The following KIAA1755 variants were observed in gnomAD, a reference collection of about 807,000 sequenced individuals.
KIAA1755 encodes uncharacterized protein KIAA1755.
In KIAA1755, 68 loss-of-function variants were observed where a neutral mutation model predicts 91.7. The observed-to-expected ratio is 0.74, with a 90% CI of 0.61 to 0.91. The LOEUF (loss-of-function observed/expected upper bound fraction) is 0.91, where lower values mean the gene tolerates loss of function less well. Ranked by LOEUF, KIAA1755 falls within the 40% of genes least tolerant of loss-of-function variation. The pLI is 0.00. For synonymous variants in KIAA1755, 610 were observed against 604.6 expected (o/e 1.01, Z -0.13); for missense variants, 1,535 against 1,494.4 (o/e 1.03, Z -0.45).
intron 10 of KIAA1755, among the ~76,000 whole-genome samples, chr20:38,222,204 C>T (rs2075671049): frequency 6.6e-6 from 1 of 152,246 alleles, no homozygotes; most frequent in Admixed American, 6.5e-5. Flanking sequence ...TCCTCTGATG[C>T]CCATCCCAGG....
rs2075464439 is a variant in KIAA1755 at position 38,212,443 on chromosome 20, T to C, written c.*599A>G. On this transcript the variant is annotated 3_prime_UTR_variant, in exon 14 of 14. Coordinates refer to ENST00000279024, the MANE Select transcript of KIAA1755 (RefSeq NM_001029864.2). ...CCCCATCTCTAAACATAAAATACAA[T>C]GAAGTTTTAAAAATTAAAAAAAAGA... The C allele has an allele frequency of 6.6e-6, 1 of 152,144 alleles. No individual in the cohort carries two copies. The highest frequency in any genetic ancestry group is 2.4e-5 in the African/African-American group (1 of 41,412). 9.4% of individuals were successfully genotyped at this position (152,144 alleles called of 1,614,324 possible).
intron 9 of KIAA1755, chr20:38,223,037 A>T: frequency 3.9e-6 from 1 of 256,098 alleles, no homozygotes; most frequent in Non-Finnish European, 7.7e-6. Context: ...CTTCTTTCCC[A>T]CTCATTCTGC....
At chr20:38,245,053 A>G (rs1370933454) in intron 2 of KIAA1755, among the ~76,000 whole-genome samples, 1 of 151,756 alleles carries the variant, frequency 6.6e-6, no homozygotes, top group East Asian at 1.9e-4. Flanking sequence ...AAACAGCTCC[A>G]CCCTCTGACC....
intron 1 of KIAA1755, among the ~76,000 whole-genome samples, chr20:38,251,141 C>T (rs1410335650): frequency 5.9e-5 from 9 of 152,110 alleles, no homozygotes; most frequent in African/African-American, 2.2e-4. Context: ...TAAAAATAAA[C>T]AATGAAAACG....
Position 38,213,558 on chromosome 20 carries a change from C to G in KIAA1755, c.3087G>C (p.Leu1029=), listed in dbSNP as rs572635241. 3.1e-5 allele frequency: 50 copies of G among 1,606,280 alleles called. No homozygotes were observed. The South Asian group carries it at 5.2e-4, about 17-fold the overall frequency. Residue 1029 remains leucine (L), a synonymous_variant, in exon 14 of 14, where the codon CTG becomes CTC. Coordinates refer to ENST00000279024, the MANE Select transcript of KIAA1755 (RefSeq NM_001029864.2). ...GGGCCTCCTCCCATAGCTCCTGGCCCAGGCCTGCCCGGCTCAGGGAGGCCA... is the reference window on the plus strand; with the variant it reads ...GGGCCTCCTCCCATAGCTCCTGGCCGAGGCCTGCCCGGCTCAGGGAGGCCA... ...LQVASLSRAG[L]GQELWEEARI... is the part of the protein sequence containing the mutation.
intron 1 of KIAA1755, among the ~76,000 whole-genome samples, chr20:38,256,211 T>C (rs1228020230): frequency 6.6e-6 from 1 of 152,172 alleles, no homozygotes; most frequent in African/African-American, 2.4e-5. Context: ...CATAGTGGGC[T>C]TCCTAACACA....
chr20:38,244,083 C>T (rs1164043591), intron 2 of KIAA1755, among the ~76,000 whole-genome samples: 1 of 152,128 alleles, frequency 6.6e-6, no homozygotes, highest in Non-Finnish European at 1.5e-5. Flanking sequence ...AGATATTTGC[C>T]TATCATTACA....
intron 8 of KIAA1755, 116 bp from the exon 9 acceptor site, chr20:38,223,752 C>T: frequency 1.5e-6 from 1 of 688,270 alleles, no homozygotes. Context: ...ACTCCAGGTG[C>T]ATCAGAAGCA....
chr20:38,235,177 T>C (rs1041853418), intron 4 of KIAA1755, among the ~76,000 whole-genome samples: 9 of 152,178 alleles, frequency 5.9e-5, no homozygotes, highest in African/African-American at 2.2e-4. Flanking sequence ...TGTATAGAAA[T>C]TTTAAAGGCA....
intron 1 of KIAA1755, among the ~76,000 whole-genome samples, chr20:38,249,518 G>A (rs1474969909): frequency 6.6e-6 from 1 of 152,170 alleles, no homozygotes; most frequent in African/African-American, 2.4e-5. Flanking sequence ...GAGGACTGAG[G>A]CTCCCTCCCA....
chr20:38,239,565 A>C lies in KIAA1755; in HGVS notation c.1710T>G (p.Gly570=). The change falls in exon 4 of 14, where the codon GGT becomes GGG. Residue 570 remains glycine, a synonymous_variant. Transcript: ENST00000279024. ...PGPEPRIGAL[G]VKVFRSRIAC... Reference sequence around the variant, plus strand: ...CTATCCTGGAGCGGAAAACCTTGACACCTAGAGCCCCAATCCTGGGCTCAG... The same window carrying C: ...CTATCCTGGAGCGGAAAACCTTGACCCCTAGAGCCCCAATCCTGGGCTCAG... The C allele has an allele frequency of 6.2e-7, 1 of 1,613,076 alleles. No homozygotes were observed.
chr20:38,238,956 G>T (rs2076005560), intron 4 of KIAA1755, among the ~76,000 whole-genome samples: 1 of 152,148 alleles, frequency 6.6e-6, no homozygotes, highest in South Asian at 2.1e-4. Context: ...TGGATCACTG[G>T]CTCCCCCTGC....
intron 5 of KIAA1755, 146 bp downstream of exon 5, chr20:38,231,056 C>T (rs763885436): frequency 1.6e-5 from 14 of 851,484 alleles, no homozygotes; most frequent in Admixed American, 3.4e-5. Flanking sequence ...GTTTTGCTTT[C>T]CCCCGGCATC....
At chr20:38,230,875 T>G (rs1159483983) in intron 5 of KIAA1755, among the ~76,000 whole-genome samples, 1 of 145,280 alleles carries the variant, frequency 6.9e-6, no homozygotes, top group Non-Finnish European at 1.5e-5. Flanking sequence ...GCAACAAGAG[T>G]GAAACTCCAT....
chr20:38,239,790 G>A (rs1038624019), intron 3 of KIAA1755, 65 bp from the exon 4 acceptor site: 11 of 1,356,310 alleles, frequency 8.1e-6, no homozygotes, highest in Admixed American at 3.5e-5. Flanking sequence ...AGGGGAAAAC[G>A]TCTCCTCTTT....
intron 1 of KIAA1755, among the ~76,000 whole-genome samples, chr20:38,257,962 C>T (rs995583799): frequency 2.0e-5 from 3 of 150,588 alleles, no homozygotes; most frequent in African/African-American, 4.9e-5. Flanking sequence ...TGCAATGGTG[C>T]GATCTCGGCT....
At chr20:38,218,126 C>T (rs2075584570) in intron 12 of KIAA1755, 118 bp downstream of exon 12, 1 of 1,356,174 alleles carries the variant, frequency 7.4e-7, no homozygotes. Flanking sequence ...GGTTCCCTCA[C>T]TGTCTCTGGA....
chr20:38,228,264 C>T, intron 5 of KIAA1755, 24 bp from the exon 6 acceptor site: 1 of 1,569,658 alleles, frequency 6.4e-7, no homozygotes, highest in Non-Finnish European at 8.6e-7. Context: ...ACAGAATTGA[C>T]AGTCTTGCTG....
At chr20:38,217,739 G>T in intron 12 of KIAA1755, 1 of 556,906 alleles carries the variant, frequency 1.8e-6, no homozygotes, top group South Asian at 2.4e-5. Flanking sequence ...GCCGGGCTCT[G>T]CTTAGATGTT....
Sources: gnomAD v4.1 joint callset for allele counts (sites outside exome capture counted in the v4.1 genomes callset) on GRCh38, gnomAD v4.1.1 for gene constraint, MANE v1.5 for transcripts, NCBI Gene and HGNC (gene_info 2026-07-23, HGNC 2026-07-21) for gene names.